The following HIPK3 variants were observed in gnomAD, a reference collection of about 807,000 sequenced individuals.
The protein encoded by HIPK3 is homeodomain interacting protein kinase 3.
In HIPK3, 47 loss-of-function variants were observed where a neutral mutation model predicts 124.2. The observed-to-expected ratio is 0.38, with a 90% CI of 0.30 to 0.48. The LOEUF is 0.48. HIPK3 is among the 20% of genes least tolerant of loss of function. The probability of loss-of-function intolerance (pLI) is 0.98; values close to 1 mark genes in which losing one functional copy is unlikely to be tolerated. For missense variants in HIPK3, 1,286 were observed against 1,454.3 expected (o/e 0.88, Z 1.88); for synonymous variants, 482 against 515.2 (o/e 0.94, Z 0.87).
At chr11:33,324,678 G>A (rs931865567) in intron 2 of HIPK3, among the ~76,000 whole-genome samples, 5 of 152,192 alleles carry the variant, frequency 3.3e-5, no homozygotes, top group African/African-American at 9.7e-5. Context: ...ACAGTGTGGG[G>A]CACTAGAGTT....
At chr11:33,343,302 A>C (rs1237164263) in intron 8 of HIPK3, among the ~76,000 whole-genome samples, 10 of 141,598 alleles carry the variant, frequency 7.1e-5, no homozygotes, top group African/African-American at 2.8e-4. Flanking sequence ...TTTTTTTGAG[A>C]TAGTGTCTTG....
intron 16 of HIPK3, 123 bp from the exon 17 acceptor site, chr11:33,352,969 A>G: frequency 3.3e-6 from 2 of 609,134 alleles, no homozygotes; most frequent in South Asian, 4.5e-5. Context: ...AGTATAAGTT[A>G]GTTCTGAGAG....
intron 13 of HIPK3, 28 bp from the exon 14 acceptor site, chr11:33,349,119 C>T: frequency 6.2e-7 from 1 of 1,600,566 alleles, no homozygotes; most frequent in Non-Finnish European, 8.5e-7. Flanking sequence ...GTATTTGACT[C>T]ATGTTTTTCC....
At chr11:33,285,314 A>G (rs1166282222) in intron 1 of HIPK3, among the ~76,000 whole-genome samples, 1 of 72,736 alleles carries the variant, frequency 1.4e-5, no homozygotes, top group East Asian at 3.9e-4. Context: ...TGATTTGAAA[A>G]TTTCAAATAT....
At chr11:33,258,205 G>GGCCCCCC in intron 1 of HIPK3, 15 of 642,190 alleles carry the variant, frequency 2.3e-5, no homozygotes, top group Non-Finnish European at 2.7e-5. Flanking sequence ...GGGGGCCTCG[G>GGCCCCCC]CCCCCCCTCC....
At chr11:33,327,224 A>G (rs896425069) in intron 2 of HIPK3, among the ~76,000 whole-genome samples, 23 of 152,168 alleles carry the variant, frequency 1.5e-4, no homozygotes, top group African/African-American at 5.5e-4. Context: ...AGTAAAAATT[A>G]TTAGTAATGG....
chr11:33,297,386 G>A (rs1211586395), intron 2 of HIPK3, among the ~76,000 whole-genome samples: 3 of 152,140 alleles, frequency 2.0e-5, no homozygotes, highest in Non-Finnish European at 2.9e-5. Flanking sequence ...GAGCCACCGC[G>A]CCCTGCTGGA....
chr11:33,291,361 C>T (rs546108864), intron 2 of HIPK3, among the ~76,000 whole-genome samples: 7 of 152,320 alleles, frequency 4.6e-5, no homozygotes, highest in African/African-American at 1.7e-4. Flanking sequence ...GAGCAAAGCA[C>T]AGTAGGAATG....
intron 16 of HIPK3, 97 bp from the exon 17 acceptor site, chr11:33,352,995 T>C (rs779525586): frequency 3.5e-5 from 25 of 709,680 alleles, no homozygotes; most frequent in Non-Finnish European, 5.2e-5. Context: ...CTATGAGTTA[T>C]CAATCACAAA....
chr11:33,345,423 ATAAC>A (rs1291170534), intron 8 of HIPK3, among the ~76,000 whole-genome samples: 1 of 152,148 alleles, frequency 6.6e-6, no homozygotes, highest in Non-Finnish European at 1.5e-5. Flanking sequence ...AGCTAACCTA[ATAAC>A]TAACTATACA....
chr11:33,339,450 C>A lies in HIPK3; in HGVS notation c.1529C>A (p.Ala510Glu), dbSNP rs201133345. The A allele has an allele frequency of 9.3e-6, 15 of 1,612,836 alleles. No homozygotes were observed. Among genetic ancestry groups the A allele is most frequent in the Non-Finnish European group, 1.1e-5 (13 of 1,178,984 alleles). The change falls in exon 6 of 17, where the codon GCA becomes GAA. Residue 510 changes from alanine (A) to glutamate (E), a missense_variant. Transcript: ENST00000303296. ...SLLKKMLLID[A>E]DLRITPAETL... ...TTGAAGAAAATGTTGCTGATTGATGCAGATTTAAGAATTACTCCAGCTGAG... is the reference window on the plus strand; with the variant it reads ...TTGAAGAAAATGTTGCTGATTGATGAAGATTTAAGAATTACTCCAGCTGAG...
rs572626865 is a variant in HIPK3, at chr11:33,317,229, C to T, written c.1098-11281C>T. Among the ~76,000 whole-genome samples the T allele has an allele frequency of 2.4e-4, 37 of 151,032 alleles. No individual in the cohort carries two copies. In the South Asian group the frequency reaches 3.3e-3, roughly 14 times the overall value. ...TCAAGTGATCCTCCTGCCTCAGCCTCCCAAAGTGCTGGGATTACAGGCGTG... is the reference window on the plus strand; with the variant it reads ...TCAAGTGATCCTCCTGCCTCAGCCTTCCAAAGTGCTGGGATTACAGGCGTG... On this transcript the variant is annotated intron_variant, in intron 2 of 16. Transcript: ENST00000303296.
At chr11:33,327,445 A>G (rs964213809) in intron 2 of HIPK3, among the ~76,000 whole-genome samples, 1 of 152,184 alleles carries the variant, frequency 6.6e-6, no homozygotes, top group Non-Finnish European at 1.5e-5. Flanking sequence ...ACTGAAAGAG[A>G]TAGGACAACT....
chr11:33,337,417 G>A (rs1405364493), intron 4 of HIPK3, among the ~76,000 whole-genome samples: 1 of 151,438 alleles, frequency 6.6e-6, no homozygotes, highest in Non-Finnish European at 1.5e-5. Flanking sequence ...GTGCAGTGGC[G>A]CCATCTTGGC....
chr11:33,257,359 G>A (rs535022668), upstream of HIPK3: 33 of 984,850 alleles, frequency 3.4e-5, 1 homozygote, highest in East Asian at 1.5e-3. Flanking sequence ...GCGCGGAGGA[G>A]GGGCCCGAGG....
intron 15 of HIPK3, 68 bp downstream of exon 15, chr11:33,351,911 A>G (rs1853673515): frequency 1.5e-6 from 2 of 1,313,290 alleles, no homozygotes; most frequent in African/African-American, 2.9e-5. Flanking sequence ...AAATCTGAGA[A>G]TGCAGTTGCC....
chr11:33,264,527 T>C (rs1305815136), intron 1 of HIPK3, among the ~76,000 whole-genome samples: 1 of 152,182 alleles, frequency 6.6e-6, no homozygotes, highest in African/African-American at 2.4e-5. Flanking sequence ...TGAGGCGAGC[T>C]CCTCACCCTA....
intron 14 of HIPK3, among the ~76,000 whole-genome samples, 153 bp downstream of exon 14, chr11:33,349,440 GGTTTGTTT>G (rs200722435): frequency 2.0e-5 from 3 of 151,982 alleles, no homozygotes; most frequent in East Asian, 1.9e-4. Flanking sequence ...TATAAACACA[GGTTTGTTT>G]GTTTGTTTGT....
intron 2 of HIPK3, among the ~76,000 whole-genome samples, chr11:33,305,156 A>G (rs940973850): frequency 6.6e-6 from 1 of 152,110 alleles, no homozygotes; most frequent in Non-Finnish European, 1.5e-5. Flanking sequence ...TTGCGCCACC[A>G]TGCCTGACCA....
Sources: allele counts gnomAD v4.1 joint callset (sites outside exome capture counted in the v4.1 genomes callset), GRCh38; gene constraint gnomAD v4.1.1; transcripts MANE v1.5; gene names NCBI Gene and HGNC (gene_info 2026-07-23, HGNC 2026-07-21).